Variants in USP26 observed in about 807,000 individuals in gnomAD.
The protein encoded by USP26 is ubiquitin carboxyl-terminal hydrolase 26.
For synonymous variants in USP26, 236 were observed against 240.6 expected (o/e 0.98, Z 0.18); for missense variants, 649 against 642.3 (o/e 1.01, Z -0.11).
In USP26 at chrX:133,027,545, C is replaced by G. The variant is rs751076891; in HGVS notation, c.676G>C (p.Glu226Gln). The G allele has an allele frequency of 1.7e-5, 20 of 1,208,183 alleles. No individual in the cohort carries two copies. The South Asian group carries it at 3.2e-4, about 19-fold the overall frequency. The change falls in exon 6 of 6, where the codon GAG (glutamate) becomes CAG (glutamine). Residue 226 changes from glutamate (E) to glutamine (Q), a missense_variant. By Grantham distance (29) the Glu-to-Gln change is conservative. Transcript: ENST00000511190. The part of the protein sequence containing the change: ...YNREKQLKLK[E>Q]LEENKKLECE... Reference sequence around the variant, plus strand: ...TCCAATTTCTTATTCTCTTCTAACTCTTTTAACTTCAATTGTTTCTCTCGA... The same window carrying G: ...TCCAATTTCTTATTCTCTTCTAACTGTTTTAACTTCAATTGTTTCTCTCGA...
chrX:133,091,245 G>A (rs2067606359), intron 2 of USP26, 108 bp downstream of exon 2: 1 of 111,952 alleles, frequency 8.9e-6, no homozygotes, highest in Admixed American at 9.5e-5. Flanking sequence ...GGAGCAGGCT[G>A]GCAGACTACC....
chrX:133,093,913 C>T (rs1265628755), intron 1 of USP26, among the ~76,000 whole-genome samples: 1 of 92,072 alleles, frequency 1.1e-5, no homozygotes, highest in African/African-American at 4.2e-5. Flanking sequence ...CCCAGGAGGT[C>T]GAGGCTGTAG....
At chrX:133,056,348 C>G (rs771269152) in intron 5 of USP26, among the ~76,000 whole-genome samples, 1 of 111,406 alleles carries the variant, frequency 9.0e-6, no homozygotes, top group East Asian at 2.8e-4. Flanking sequence ...TTGGTTTGGG[C>G]CTTTTCCTTC....
At chrX:133,034,932 T>C (rs1394876335) in intron 5 of USP26, among the ~76,000 whole-genome samples, 1 of 111,997 alleles carries the variant, frequency 8.9e-6, no homozygotes, top group African/African-American at 3.2e-5. Flanking sequence ...GATTCCCATG[T>C]CCAAGTCAAG....
At chrX:133,072,566 G>A (rs1391275989) in intron 5 of USP26, among the ~76,000 whole-genome samples, 1 of 112,293 alleles carries the variant, frequency 8.9e-6, no homozygotes, top group East Asian at 2.8e-4. Context: ...CTGTGCATTT[G>A]AACATAACAC....
chrX:133,082,641 T>C (rs1279954043), intron 5 of USP26, among the ~76,000 whole-genome samples: 3 of 111,836 alleles, frequency 2.7e-5, no homozygotes, highest in African/African-American at 9.7e-5. Context: ...CACAAACCTC[T>C]AGCTCCTAAC....
chrX:133,081,753 G>A (rs921659114), intron 5 of USP26, among the ~76,000 whole-genome samples: 2 of 111,662 alleles, frequency 1.8e-5, no homozygotes, highest in Non-Finnish European at 3.8e-5. Flanking sequence ...TGCCTTCAAG[G>A]GTACTAAAAT....
intron 5 of USP26, among the ~76,000 whole-genome samples, chrX:133,064,199 C>A (rs1172732988): frequency 2.7e-5 from 3 of 111,951 alleles, no homozygotes; most frequent in African/African-American, 9.7e-5. Flanking sequence ...TATACATGCA[C>A]CCAATACAGG....
chrX:133,035,602 C>T (rs2067393557), intron 5 of USP26, among the ~76,000 whole-genome samples: 1 of 111,898 alleles, frequency 8.9e-6, no homozygotes. Flanking sequence ...GCCAACATCC[C>T]ACCTGCCTCC....
chrX:133,043,726 C>G (rs1298947693), intron 5 of USP26, among the ~76,000 whole-genome samples: 2 of 111,172 alleles, frequency 1.8e-5, no homozygotes, highest in African/African-American at 6.6e-5. Context: ...GGCAACATAG[C>G]AAGACTCCAT....
Position 133,027,301 on chromosome X carries a change from T to G in USP26, c.920A>C (p.Asn307Thr), listed in dbSNP as rs2067355850. 1 of 1,211,164 alleles carries G rather than the reference T, an allele frequency of 8.3e-7. No individual in the cohort carries two copies. The highest frequency in any genetic ancestry group is 1.1e-6 in the Non-Finnish European group (1 of 894,841). ...TGAAAGTAGAGACTGTAACACTGCA[T>G]TCATATAACAGGTGTTTCCCAAATT... ...LPNLGNTCYM[N>T]AVLQSLLSIP... is the part of the protein sequence containing the mutation. The change falls in exon 6 of 6, where the codon AAT becomes ACT. Residue 307 changes from asparagine (N) to threonine (T), a missense_variant. Coordinates refer to ENST00000511190, the MANE Select transcript of USP26 (RefSeq NM_031907.3).
chrX:133,076,165 G>A (rs1224065647), intron 5 of USP26, among the ~76,000 whole-genome samples: 1 of 111,177 alleles, frequency 9.0e-6, no homozygotes, highest in Non-Finnish European at 1.9e-5. Context: ...CAAACATGCA[G>A]TCTCTAGGGA....
chrX:133,040,044 G>A (rs1462675527), intron 5 of USP26, among the ~76,000 whole-genome samples: 1 of 110,942 alleles, frequency 9.0e-6, no homozygotes, highest in Non-Finnish European at 1.9e-5. Flanking sequence ...CATTTGCTTG[G>A]TAAATATTCC....
At chrX:133,095,925 A>G (rs1432245740) in intron 1 of USP26, among the ~76,000 whole-genome samples, 1 of 110,018 alleles carries the variant, frequency 9.1e-6, no homozygotes, top group Non-Finnish European at 1.9e-5. Flanking sequence ...TCATATTTTT[A>G]GTAGAGACGG....
chrX:133,047,253 GC>G (rs2067443951), intron 5 of USP26, among the ~76,000 whole-genome samples: 1 of 111,990 alleles, frequency 8.9e-6, no homozygotes, highest in Non-Finnish European at 1.9e-5. Context: ...AGTGATCAGG[GC>G]CTAGCTCAAA....
intron 5 of USP26, among the ~76,000 whole-genome samples, chrX:133,078,544 C>G (rs956899890): frequency 8.9e-6 from 1 of 111,952 alleles, no homozygotes; most frequent in Admixed American, 9.5e-5. Flanking sequence ...ATTTCAGAAG[C>G]TTAGTCATCC....
chrX:133,085,883 G>A (rs758362741), intron 4 of USP26, among the ~76,000 whole-genome samples: 2 of 111,149 alleles, frequency 1.8e-5, no homozygotes, highest in African/African-American at 3.3e-5. Flanking sequence ...TCTGGGTGGA[G>A]TCTGCATGAG....
chrX:133,061,342 TAGCAATGTGTGCTG>T (rs2067493613), intron 5 of USP26, among the ~76,000 whole-genome samples: 2 of 112,545 alleles, frequency 1.8e-5, no homozygotes, highest in African/African-American at 6.5e-5. Context: ...GCAGAATGAA[TAGCAATGTGTGCTG>T]AGGGTCTTAT....
At position 133,026,016 on chromosome X, in the gene USP26, C is replaced by T. The variant is rs2067345907; in HGVS notation, c.2205G>A (p.Val735=). Residue 735 remains valine (V), a synonymous_variant, in exon 6 of 6, where the codon GTG becomes GTA. Coordinates refer to ENST00000511190, the MANE Select transcript of USP26 (RefSeq NM_031907.3). ...NIRIPERFQK[V]SEQTQQCDGM... ...CGTCACACTGCTGAGTCTGTTCAGA[C>T]ACTTTTTGGAATCTTTCTGGAATTC... is the stretch of plus-strand genomic sequence containing the variant. The T allele has an allele frequency of 1.7e-6, 2 of 1,208,195 alleles. No individual in the cohort carries two copies. The highest frequency in any genetic ancestry group is 2.2e-6 in the Non-Finnish European group (2 of 893,998).
Sources: gnomAD v4.1 joint callset for allele counts (sites outside exome capture counted in the v4.1 genomes callset) on GRCh38, gnomAD v4.1.1 for gene constraint, MANE v1.5 for transcripts, NCBI Gene and HGNC (gene_info 2026-07-23, HGNC 2026-07-21) for gene names.